MIB1: variants seen among roughly 807,000 people sequenced by gnomAD.
MIB1 encodes the protein MIB E3 ubiquitin protein ligase 1, also known as E3 ubiquitin-protein ligase MIB1.
MIB1 carries 278 observed loss-of-function variants against 124.5 expected under a neutral mutation model. The ratio of observed to expected loss-of-function variants is 2.23; its 90% CI spans 2.02 to 2.47. The LOEUF is 2.47. MIB1 is among the 30% of genes most tolerant of loss of function. The pLI is 0.00. For missense variants in MIB1, 957 were observed against 1,254.4 expected (o/e 0.76, Z 3.58); for synonymous variants, 446 against 429.4 (o/e 1.04, Z -0.48).
chr18:21,836,355 G>A (rs892113191), intron 12 of MIB1, among the ~76,000 whole-genome samples: 1 of 148,884 alleles, frequency 6.7e-6, no homozygotes, highest in Non-Finnish European at 1.5e-5. Context: ...CTCACTGCAA[G>A]CTCCACCTCC....
intron 16 of MIB1, 112 bp from the exon 17 acceptor site, chr18:21,849,084 T>G: frequency 1.5e-6 from 1 of 678,396 alleles, no homozygotes; most frequent in Non-Finnish European, 2.3e-6. Context: ...CTTAATTTTT[T>G]AATATGACTA....
At chr18:21,843,301 A>G in intron 14 of MIB1, 84 bp downstream of exon 14, 3 of 848,974 alleles carry the variant, frequency 3.5e-6, no homozygotes, top group Middle Eastern at 5.2e-4. Context: ...GAAATGATAC[A>G]GTGTTACATG....
chr18:21,732,348 GTA>G (rs1491259289), intron 1 of MIB1, among the ~76,000 whole-genome samples: 2 of 59,650 alleles, frequency 3.4e-5, no homozygotes, highest in African/African-American at 1.1e-4. Context: ...TATATTATAT[GTA>G]TACACACACA....
chr18:21,803,094 T>C (rs2041667270), intron 9 of MIB1, among the ~76,000 whole-genome samples: 1 of 152,346 alleles, frequency 6.6e-6, no homozygotes, highest in African/African-American at 2.4e-5. Flanking sequence ...AGTCAGATAA[T>C]GCTTTTCCAT....
chr18:21,814,833 CAA>C (rs2041810245), intron 10 of MIB1, among the ~76,000 whole-genome samples: 1 of 150,964 alleles, frequency 6.6e-6, no homozygotes, highest in Admixed American at 6.6e-5. Context: ...CTTGGCCTCC[CAA>C]AGTGCTGGGA....
At chr18:21,826,524 C>T (rs1851536594) in intron 12 of MIB1, 2 of 151,956 alleles carry the variant, frequency 1.3e-5, no homozygotes, top group East Asian at 1.9e-4. Flanking sequence ...GTACAGATTG[C>T]CAAGTTACTT....
At chr18:21,838,623 A>G (rs2042055362) in intron 13 of MIB1, 126 bp downstream of exon 13, 1 of 661,926 alleles carries the variant, frequency 1.5e-6, no homozygotes, top group Non-Finnish European at 2.5e-6. Flanking sequence ...CCTCATGATG[A>G]TGAAAATTCA....
chr18:21,808,894 C>G (rs769261045), intron 10 of MIB1, among the ~76,000 whole-genome samples: 8 of 151,692 alleles, frequency 5.3e-5, no homozygotes, highest in Non-Finnish European at 1.0e-4. Flanking sequence ...AGTACATCTG[C>G]TTAAGTTATA....
At chr18:21,827,501 T>C (rs958254599) in intron 12 of MIB1, 2 of 151,996 alleles carry the variant, frequency 1.3e-5, no homozygotes, top group East Asian at 1.9e-4. Flanking sequence ...GTAATAAGCT[T>C]TGAGTATTTT....
At chr18:21,719,537 C>G (rs1013281607) in intron 1 of MIB1, among the ~76,000 whole-genome samples, 8 of 152,092 alleles carry the variant, frequency 5.3e-5, no homozygotes, top group Non-Finnish European at 1.0e-4. Context: ...ACCTCTGCCC[C>G]CTGGGTTCAA....
chr18:21,815,649 G>A lies in MIB1; in HGVS notation c.1513G>A (p.Ala505Thr). 2 of 1,614,154 alleles carry A rather than the reference G, an allele frequency of 1.2e-6. No individual in the cohort carries two copies. Among genetic ancestry groups the A allele is most frequent in the Non-Finnish European group, 1.7e-6 (2 of 1,180,018 alleles). ...TGGTGATAGAGCAGTTCACCATGCAGCTTTTGGAGATGAAGGCGCTGTTAT... is the reference window on the plus strand; with the variant it reads ...TGGTGATAGAGCAGTTCACCATGCAACTTTTGGAGATGAAGGCGCTGTTAT... The part of the protein sequence containing the change: ...KDGDRAVHHA[A>T]FGDEGAVIEV... Residue 505 changes from alanine (A) to threonine (T), a missense_variant, in exon 11 of 21, where the codon GCT becomes ACT. By Grantham distance (58) the Ala-to-Thr change is moderately conservative. Transcript: ENST00000261537.
chr18:21,746,826 CTT>C (rs2040917591), intron 1 of MIB1, among the ~76,000 whole-genome samples: 1 of 152,156 alleles, frequency 6.6e-6, no homozygotes, highest in Non-Finnish European at 1.5e-5. Flanking sequence ...TTGTCCTTGT[CTT>C]TGACCGCTAG....
At chr18:21,858,479 T>A in intron 19 of MIB1, 67 bp from the exon 20 acceptor site, 1 of 785,074 alleles carries the variant, frequency 1.3e-6, no homozygotes, top group South Asian at 2.0e-5. Context: ...ACAGTAATAT[T>A]TTATTTTATA....
At chr18:21,809,964 G>A (rs1256553845) in intron 10 of MIB1, among the ~76,000 whole-genome samples, 1 of 152,026 alleles carries the variant, frequency 6.6e-6, no homozygotes, top group Non-Finnish European at 1.5e-5. Flanking sequence ...TGTTTGCAGT[G>A]ATCTTAGTGA....
intron 1 of MIB1, among the ~76,000 whole-genome samples, chr18:21,743,320 T>C (rs2040876637): frequency 2.6e-5 from 4 of 152,232 alleles, no homozygotes; most frequent in Admixed American, 2.6e-4. Context: ...CTAAATTATA[T>C]TGGTGATTGT....
chr18:21,842,857 A>T (rs923802927), intron 13 of MIB1, among the ~76,000 whole-genome samples: 1 of 152,186 alleles, frequency 6.6e-6, no homozygotes, highest in Non-Finnish European at 1.5e-5. Context: ...TTTGAACTCT[A>T]CTGTGCTTTG....
chr18:21,817,154 CTT>C (rs1040673828), intron 11 of MIB1, among the ~76,000 whole-genome samples: 3,709 of 74,892 alleles, frequency 0.05, 69 homozygotes, highest in African/African-American at 0.12. Context: ...GTTAGGAATT[CTT>C]TTTTTTTTTT....
intron 1 of MIB1, among the ~76,000 whole-genome samples, chr18:21,716,587 C>T (rs1039904738): frequency 2.6e-5 from 4 of 152,196 alleles, no homozygotes; most frequent in African/African-American, 9.7e-5. Context: ...CACGGTGGCT[C>T]ACGCCTGTAA....
At chr18:21,815,858 C>G (rs2041825712) in intron 11 of MIB1, 45 bp downstream of exon 11, 2 of 1,525,720 alleles carry the variant, frequency 1.3e-6, no homozygotes, top group Admixed American at 3.4e-5. Flanking sequence ...TGCTAGGATC[C>G]TATTAAAGGG....
Sources: gnomAD v4.1 joint callset for allele counts (sites outside exome capture counted in the v4.1 genomes callset) on GRCh38, gnomAD v4.1.1 for gene constraint, MANE v1.5 for transcripts, NCBI Gene and HGNC (gene_info 2026-07-23, HGNC 2026-07-21) for gene names.